The following RIBC1 variants were observed in gnomAD, a reference collection of about 807,000 sequenced individuals.
The protein encoded by RIBC1 is RIB43A domain with coiled-coils 1.
A neutral mutation model predicts 33.7 loss-of-function variants in RIBC1; 12 were observed. That is an observed-to-expected ratio of 0.36 (90% CI 0.23 to 0.58). The LOEUF (loss-of-function observed/expected upper bound fraction) is 0.58, where lower values mean the gene tolerates loss of function less well. RIBC1 is among the 20% of genes least tolerant of loss of function. RIBC1 has a pLI of 0.81. For synonymous variants in RIBC1, 89 were observed against 109.0 expected, an observed-to-expected ratio of 0.82 and a Z score of 1.14; for missense variants, 242 against 311.6, an observed-to-expected ratio of 0.78 and a Z score of 1.68.
At position 53,430,514 on chromosome X, in the gene RIBC1, AAC is replaced by A. The variant is rs782379587; in HGVS notation, c.785_786del (p.His262ProfsTer33). 1 of 1,210,558 alleles carries A rather than the reference AAC, an allele frequency of 8.3e-7. No homozygotes were observed. The highest frequency in any genetic ancestry group is 1.1e-6 in the Non-Finnish European group (1 of 894,837). On this transcript the variant is annotated frameshift_variant, in exon 7 of 8. Transcript: ENST00000375327. LOFTEE classifies it high-confidence loss of function. ...CTGACTGAAAACCCCCAGGTCGCCCAACACCCTATGGCTCCCTACCGGGTCCT... is the reference window on the plus strand; with the variant it reads ...CTGACTGAAAACCCCCAGGTCGCCCAACCCTATGGCTCCCTACCGGGTCCT...
intron 2 of RIBC1, among the ~76,000 whole-genome samples, chrX:53,424,219 C>T (rs1285099333): frequency 9.0e-6 from 1 of 110,708 alleles, no homozygotes; most frequent in Non-Finnish European, 1.9e-5. Context: ...AATACTGTTC[C>T]CTTTTAAAAG....
At chrX:53,427,888 G>A (rs1602423264) in intron 3 of RIBC1, 115 bp from the exon 4 acceptor site, 1 of 581,192 alleles carries the variant, frequency 1.7e-6, no homozygotes, top group Admixed American at 2.8e-5. Context: ...TTATCCAGTA[G>A]GTACTGGGGA....
Position 53,430,983 on chromosome X carries a change from C to T in RIBC1, c.1135C>T (p.Arg379Cys), listed in dbSNP as rs781795258. The T allele has an allele frequency of 1.3e-5, 16 of 1,209,283 alleles. No homozygotes were observed. Among genetic ancestry groups the T allele is most frequent in the Middle Eastern group, 2.3e-4 (1 of 4,373 alleles). Residue 379 changes from arginine to cysteine, a missense_variant, in exon 8 of 8, where the codon CGC becomes TGC. Physicochemically the swap from Arg to Cys is radical, Grantham distance 180. Transcript: ENST00000375327. ...QYHQQFNTSS[R>C] ...TCACCAGCAGTTTAACACCAGCAGC[C>T]GCTAAGTTCAGGATGTCTATCTCTC...
At chrX:53,428,160 C>T in intron 4 of RIBC1, 76 bp downstream of exon 4, 4 of 1,197,801 alleles carry the variant, frequency 3.3e-6, no homozygotes, top group Non-Finnish European at 4.5e-6. Context: ...GCAGTTCTGC[C>T]TCTGTGGCCT....
intron 7 of RIBC1, 26 bp from the exon 8 acceptor site, chrX:53,430,881 C>G (rs1556894343): frequency 4.1e-6 from 5 of 1,210,739 alleles, no homozygotes; most frequent in Non-Finnish European, 5.6e-6. Flanking sequence ...AGCATGTCAG[C>G]TGAGACCTCT....
At chrX:53,425,595 G>T (rs2146618866) in intron 2 of RIBC1, among the ~76,000 whole-genome samples, 1 of 109,097 alleles carries the variant, frequency 9.2e-6, no homozygotes, top group African/African-American at 3.3e-5. Flanking sequence ...TTCTGTGATT[G>T]GGCTATAGGA....
At position 53,430,920 on chromosome X, in the gene RIBC1, A is replaced by G; in HGVS notation, c.1072A>G (p.Asn358Asp). 1 of 1,211,273 alleles carries G rather than the reference A, an allele frequency of 8.3e-7. No individual in the cohort carries two copies. The highest frequency in any genetic ancestry group is 1.1e-6 in the Non-Finnish European group (1 of 895,370). ...NEQKAQQDYL[N>D]SVIYTNQPTA... ...CTTCTTTCACAGGCAGGATTACCTG[A>G]ATTCAGTAATCTACACCAATCAACC... Residue 358 changes from asparagine (N) to aspartate (D), a missense_variant, in exon 8 of 8, where the codon AAT becomes GAT. Transcript: ENST00000375327.
chrX:53,423,336 C>T lies in RIBC1; in HGVS notation c.-67C>T, dbSNP rs1602419802. On this transcript the variant is annotated 5_prime_UTR_variant, in exon 2 of 8. Transcript: ENST00000375327. ...CAGAGTTCAGAAACTGCCGCCGTAA[C>T]CCAAGAACAAAGTTGCATGCAGAGC... is the stretch of plus-strand genomic sequence containing the variant. 8.9e-6 allele frequency: 1 copy of T among 112,208 alleles called. No homozygotes were observed. 9.2% of individuals were successfully genotyped at this position (112,208 alleles called of 1,213,427 possible).
At chrX:53,425,474 C>T (rs1556892972) in intron 2 of RIBC1, among the ~76,000 whole-genome samples, 1 of 91,596 alleles carries the variant, frequency 1.1e-5, no homozygotes, top group Non-Finnish European at 2.1e-5. Context: ...GCAAATTTAG[C>T]TTTCTAGCCT....
intron 2 of RIBC1, among the ~76,000 whole-genome samples, chrX:53,423,969 G>A (rs1381170050): frequency 9.0e-6 from 1 of 111,352 alleles, no homozygotes; most frequent in Non-Finnish European, 1.9e-5. Context: ...GTCTACCCAG[G>A]ATGCCGAAGC....
chrX:53,428,503 G>A lies in RIBC1; in HGVS notation c.420G>A (p.Gln140=), dbSNP rs1363610971. ...CCTATCCTGGTCCAGCCAGCCTGCA[G>A]TACTTCTCTGGGGAAGACCTAGACA... is the stretch of plus-strand genomic sequence containing the variant. ...SNTYPGPASL[Q]YFSGEDLDRD... Residue 140 remains glutamine, a synonymous_variant, in exon 5 of 8, where the codon CAG becomes CAA. Transcript: ENST00000375327. The A allele has an allele frequency of 1.7e-6, 2 of 1,209,371 alleles. No homozygotes were observed. Among genetic ancestry groups the A allele is most frequent in the African/African-American group, 1.7e-5 (1 of 57,833 alleles).
At chrX:53,429,555 A>G in intron 5 of RIBC1, 1 of 413,425 alleles carries the variant, frequency 2.4e-6, no homozygotes, top group South Asian at 7.9e-5. Flanking sequence ...ATTAGAACCC[A>G]GCACATGGCC....
At chrX:53,423,894 C>T (rs1448479754) in intron 2 of RIBC1, among the ~76,000 whole-genome samples, 1 of 110,858 alleles carries the variant, frequency 9.0e-6, no homozygotes, top group Admixed American at 9.6e-5. Flanking sequence ...GCCTGGGCAA[C>T]ATAGTGAGAC....
At chrX:53,427,222 C>T (rs1455384565) in intron 3 of RIBC1, among the ~76,000 whole-genome samples, 1 of 111,967 alleles carries the variant, frequency 8.9e-6, no homozygotes, top group African/African-American at 3.2e-5. Flanking sequence ...GAAAAGACCC[C>T]GTAAGTATTT....
At position 53,423,343 on chromosome X, in the gene RIBC1, A is replaced by G. The variant is rs1378324399; in HGVS notation, c.-60A>G. The G allele has an allele frequency of 1.8e-5, 2 of 112,334 alleles. No individual in the cohort carries two copies. Among genetic ancestry groups the G allele is most frequent in the Non-Finnish European group, 3.7e-5 (2 of 53,388 alleles). 9.3% of individuals were successfully genotyped at this position (112,334 alleles called of 1,213,427 possible). ...CAGAAACTGCCGCCGTAACCCAAGA[A>G]CAAAGTTGCATGCAGAGCCAACCTA... On this transcript the variant is annotated 5_prime_UTR_variant, in exon 2 of 8. Coordinates refer to ENST00000375327, the MANE Select transcript of RIBC1 (RefSeq NM_001031745.5).
At chrX:53,428,105 G>A (rs2075801496) in intron 4 of RIBC1, 21 bp downstream of exon 4, 1 of 1,202,748 alleles carries the variant, frequency 8.3e-7, no homozygotes, top group Non-Finnish European at 1.1e-6. Flanking sequence ...AAAGCCAGGG[G>A]CCAGACAAGG....
rs913004067 is a variant in RIBC1, at chrX:53,430,777, G to A, written c.1045G>A (p.Glu349Lys). 4.2e-6 allele frequency: 5 copies of A among 1,203,659 alleles called. No individual in the cohort carries two copies. The African/African-American group carries it at 7.0e-5, about 17-fold the overall frequency. The change falls in exon 7 of 8, where the codon GAG (glutamate) becomes AAG (lysine). Residue 349 changes from glutamate to lysine, a missense_variant. Glu to Lys is a moderately conservative substitution (Grantham distance 56). Coordinates refer to ENST00000375327, the MANE Select transcript of RIBC1 (RefSeq NM_001031745.5). ...ATCCTTCAACCAGCAGCTGGCTAATGAGCAAAAAGCCCAGTGAGTTCTAGG... is the reference window on the plus strand; with the variant it reads ...ATCCTTCAACCAGCAGCTGGCTAATAAGCAAAAAGCCCAGTGAGTTCTAGG... ...LGSFNQQLAN[E>K]QKAQQDYLNS...
At chrX:53,430,284 G>GTATC (rs1249985252) in intron 6 of RIBC1, 112 bp from the exon 7 acceptor site, 2 of 612,962 alleles carry the variant, frequency 3.3e-6, no homozygotes, top group African/African-American at 2.3e-5. Flanking sequence ...AGGCCATGCA[G>GTATC]TATCTGTTCT....
chrX:53,429,720 T>C, intron 5 of RIBC1, 134 bp from the exon 6 acceptor site: 1 of 1,072,475 alleles, frequency 9.3e-7, no homozygotes, highest in Non-Finnish European at 1.2e-6. Context: ...TCCACATCCC[T>C]ACAACTCGGA....
Sources: allele counts gnomAD v4.1 joint callset (sites outside exome capture counted in the v4.1 genomes callset), GRCh38; gene constraint gnomAD v4.1.1; transcripts MANE v1.5; gene names NCBI Gene and HGNC (gene_info 2026-07-23, HGNC 2026-07-21).